The following CADM2 variants were observed in gnomAD, a reference collection of about 807,000 sequenced individuals.
CADM2 encodes the protein cell adhesion molecule 2.
CADM2 carries 12 observed loss-of-function variants against 49.8 expected under a neutral mutation model. The ratio of observed to expected loss-of-function variants is 0.24; its 90% confidence interval spans 0.15 to 0.39. The LOEUF is 0.39. CADM2 is among the 10% of genes least tolerant of loss of function. CADM2 has a pLI of 1.00. For synonymous variants in CADM2, 214 were observed against 175.4 expected, an observed-to-expected ratio of 1.22 and a Z score of -1.74; for missense variants, 378 against 492.3, an observed-to-expected ratio of 0.77 and a Z score of 2.20.
At chr3:85,083,574 C>T (rs2037256588) in intron 1 of CADM2, among the ~76,000 whole-genome samples, 1 of 152,012 alleles carries the variant, frequency 6.6e-6, no homozygotes, top group African/African-American at 2.4e-5. Context: ...GACAATGAAC[C>T]TTAATGAAGA....
chr3:85,165,390 TAAG>T (rs2040444635), intron 1 of CADM2, among the ~76,000 whole-genome samples: 1 of 151,930 alleles, frequency 6.6e-6, no homozygotes, highest in Admixed American at 6.6e-5. Context: ...TTTAAGAACT[TAAG>T]AACGCACTTA....
chr3:85,441,418 G>A (rs1428018210), intron 1 of CADM2, among the ~76,000 whole-genome samples: 1 of 151,710 alleles, frequency 6.6e-6, no homozygotes, highest in African/African-American at 2.4e-5. Flanking sequence ...GCTGGTAGTC[G>A]GCAAAATTAA....
At chr3:85,690,094 T>G (rs1434700942) in intron 1 of CADM2, among the ~76,000 whole-genome samples, 2 of 152,272 alleles carry the variant, frequency 1.3e-5, no homozygotes, top group South Asian at 2.1e-4. Flanking sequence ...TTTCATAATT[T>G]TTTTTATCAT....
chr3:85,976,945 A>T (rs986450918), intron 8 of CADM2, among the ~76,000 whole-genome samples: 2 of 151,610 alleles, frequency 1.3e-5, no homozygotes, highest in Admixed American at 1.3e-4. Context: ...CTATGGAAAA[A>T]TGTATGCTTA....
At chr3:85,188,209 T>C (rs937973647) in intron 1 of CADM2, among the ~76,000 whole-genome samples, 1 of 152,160 alleles carries the variant, frequency 6.6e-6, no homozygotes, top group African/African-American at 2.4e-5. Context: ...TCAGCATAAC[T>C]TTTATATGCT....
At chr3:85,464,675 A>G (rs948325624) in intron 1 of CADM2, among the ~76,000 whole-genome samples, 3 of 152,204 alleles carry the variant, frequency 2.0e-5, no homozygotes, top group Non-Finnish European at 2.9e-5. Flanking sequence ...GTTTCATCAT[A>G]TATTACATCA....
intron 8 of CADM2, among the ~76,000 whole-genome samples, chr3:86,037,013 A>G (rs1201299106): frequency 6.6e-6 from 1 of 152,104 alleles, no homozygotes; most frequent in Non-Finnish European, 1.5e-5. Flanking sequence ...TAATGCTGTT[A>G]ACTTGTCTCT....
At chr3:85,109,176 T>G (rs948268677) in intron 1 of CADM2, among the ~76,000 whole-genome samples, 7 of 152,046 alleles carry the variant, frequency 4.6e-5, no homozygotes, top group African/African-American at 1.4e-4. Context: ...CATGGTTGTA[T>G]GCAAACAAAT....
intron 1 of CADM2, among the ~76,000 whole-genome samples, chr3:85,224,980 A>G (rs2042124549): frequency 6.6e-6 from 1 of 152,152 alleles, no homozygotes; most frequent in South Asian, 2.1e-4. Flanking sequence ...TGGTACCAGT[A>G]CCATGCTATT....
Position 85,146,719 on chromosome 3 carries a change from G to A in CADM2, c.61+187051G>A, listed in dbSNP as rs538653837. ...TTGTGGATGCATGCTTGTAGAGACA[G>A]CCTATGTGGGATTTTCTGTCTCAGA... On this transcript the variant is annotated intron_variant, in intron 1 of 9. Transcript: ENST00000383699. Among the ~76,000 whole-genome samples the A allele has an allele frequency of 8.5e-5, 13 of 152,296 alleles. No homozygotes were observed. The East Asian group carries it at 2.1e-3, about 25-fold the overall frequency.
chr3:86,043,120 A>G (rs1736175992), intron 8 of CADM2, among the ~76,000 whole-genome samples: 1 of 152,158 alleles, frequency 6.6e-6, no homozygotes, highest in Non-Finnish European at 1.5e-5. Flanking sequence ...CACAGCCAAT[A>G]TCGTACTGAA....
At chr3:85,190,982 C>T (rs1203169055) in intron 1 of CADM2, among the ~76,000 whole-genome samples, 2 of 151,918 alleles carry the variant, frequency 1.3e-5, no homozygotes, top group Non-Finnish European at 2.9e-5. Flanking sequence ...TAATGTATAG[C>T]AACTTTTTTA....
At chr3:85,602,406 G>C (rs1330992232) in intron 1 of CADM2, among the ~76,000 whole-genome samples, 1 of 151,746 alleles carries the variant, frequency 6.6e-6, no homozygotes, top group Non-Finnish European at 1.5e-5. Flanking sequence ...TTGACTGAGA[G>C]AAAAATGGAA....
At chr3:84,999,765 T>C (rs1333648630) in intron 1 of CADM2, among the ~76,000 whole-genome samples, 1 of 152,106 alleles carries the variant, frequency 6.6e-6, no homozygotes, top group Non-Finnish European at 1.5e-5. Context: ...CAAAAAAGTT[T>C]TATTGAGTAG....
At chr3:85,183,012 A>G (rs2040973214) in intron 1 of CADM2, among the ~76,000 whole-genome samples, 1 of 152,142 alleles carries the variant, frequency 6.6e-6, no homozygotes, top group South Asian at 2.1e-4. Flanking sequence ...ATTATGTAAA[A>G]TATTACATGA....
intron 1 of CADM2, among the ~76,000 whole-genome samples, chr3:85,473,788 T>C (rs1165870527): frequency 6.6e-6 from 1 of 152,090 alleles, no homozygotes; most frequent in Non-Finnish European, 1.5e-5. Flanking sequence ...CTATTGTAGG[T>C]TCATATATTG....
rs145188180 is a variant in CADM2, at chr3:85,157,446, C to A, written c.61+197778C>A. ...ACTACCTGACTTCAAACTATACTAC[C>A]AGCCTAGAGTACCCAAAACAGCATG... On this transcript the variant is annotated intron_variant, in intron 1 of 9. Transcript: ENST00000383699. Among the ~76,000 whole-genome samples, 950 of 152,158 alleles carry A rather than the reference C, an allele frequency of 6.2e-3. 14 individuals carry two copies. Among genetic ancestry groups the A allele is most frequent in the African/African-American group, 0.021 (882 of 41,500 alleles).
At chr3:85,404,575 G>GA (rs199894322) in intron 1 of CADM2, among the ~76,000 whole-genome samples, 95 of 151,874 alleles carry the variant, frequency 6.3e-4, no homozygotes, top group Admixed American at 3.8e-3. Context: ...TTAATTTCAG[G>GA]AAAAATAATC....
At chr3:85,766,548 T>A (rs1001925997) in intron 2 of CADM2, among the ~76,000 whole-genome samples, 1 of 152,232 alleles carries the variant, frequency 6.6e-6, no homozygotes, top group African/African-American at 2.4e-5. Flanking sequence ...GGCACATGCC[T>A]TGCACATTTG....
Sources: gnomAD v4.1 joint callset for allele counts (sites outside exome capture counted in the v4.1 genomes callset) on GRCh38, gnomAD v4.1.1 for gene constraint, MANE v1.5 for transcripts, NCBI Gene and HGNC (gene_info 2026-07-23, HGNC 2026-07-21) for gene names.